KCNIP4: variants seen among roughly 807,000 people sequenced by gnomAD.
KCNIP4 encodes the protein Kv channel-interacting protein 4.
In KCNIP4, 12 loss-of-function variants were observed where a neutral mutation model predicts 34.0. The observed-to-expected ratio is 0.35, with a 90% confidence interval of 0.23 to 0.57. The LOEUF (loss-of-function observed/expected upper bound fraction) is 0.57, where lower values mean the gene tolerates loss of function less well. Ranked by LOEUF, KCNIP4 falls within the 20% of genes least tolerant of loss-of-function variation. The probability of loss-of-function intolerance (pLI) is 0.83; values close to 1 mark genes in which losing one functional copy is unlikely to be tolerated. For missense variants in KCNIP4, 238 were observed against 311.7 expected (o/e 0.76, Z 1.78); for synonymous variants, 124 against 102.2 (o/e 1.21, Z -1.29).
chr4:21,554,985 C>T (rs145585392), intron 1 of KCNIP4, among the ~76,000 whole-genome samples: 1 of 152,098 alleles, frequency 6.6e-6, no homozygotes, highest in African/African-American at 2.4e-5. Flanking sequence ...TAAACATAGA[C>T]TTTTTTCTTC....
intron 1 of KCNIP4, among the ~76,000 whole-genome samples, chr4:21,240,894 T>A (rs1051952104): frequency 6.6e-6 from 1 of 152,202 alleles, no homozygotes; most frequent in African/African-American, 2.4e-5. Context: ...CAAAGTCTAC[T>A]GTAAAAAATT....
chr4:21,899,768 C>T (rs547471662), intron 1 of KCNIP4, among the ~76,000 whole-genome samples: 1 of 152,142 alleles, frequency 6.6e-6, no homozygotes, highest in South Asian at 2.1e-4. Context: ...AACTACAAAG[C>T]ACTGATGCAA....
At chr4:21,817,029 C>T (rs1283381127) in intron 1 of KCNIP4, among the ~76,000 whole-genome samples, 1 of 152,114 alleles carries the variant, frequency 6.6e-6, no homozygotes, top group Non-Finnish European at 1.5e-5. Flanking sequence ...CAGATGTGAG[C>T]TATTATTTTC....
intron 1 of KCNIP4, among the ~76,000 whole-genome samples, chr4:21,250,542 T>C (rs983267189): frequency 6.6e-6 from 1 of 152,164 alleles, no homozygotes; most frequent in African/African-American, 2.4e-5. Flanking sequence ...CAAAATTTGA[T>C]ACTGACTTCT....
intron 1 of KCNIP4, among the ~76,000 whole-genome samples, chr4:21,179,191 C>A (rs1476470927): frequency 2.6e-5 from 4 of 152,196 alleles, no homozygotes; most frequent in Non-Finnish European, 5.9e-5. Flanking sequence ...TTCTAAGACT[C>A]ATTTCTCAGC....
intron 1 of KCNIP4, among the ~76,000 whole-genome samples, chr4:21,305,219 A>T (rs1295309530): frequency 1.3e-5 from 2 of 152,210 alleles, no homozygotes; most frequent in Non-Finnish European, 2.9e-5. Flanking sequence ...GGATAGAATG[A>T]AGGCATCCTT....
chr4:21,380,738 G>A (rs987728578), intron 1 of KCNIP4, among the ~76,000 whole-genome samples: 2 of 151,748 alleles, frequency 1.3e-5, no homozygotes, highest in Non-Finnish European at 2.9e-5. Flanking sequence ...TCACCATATT[G>A]GACAGACCTA....
At chr4:21,619,701 A>G (rs1744873587) in intron 1 of KCNIP4, among the ~76,000 whole-genome samples, 1 of 152,198 alleles carries the variant, frequency 6.6e-6, no homozygotes, top group Non-Finnish European at 1.5e-5. Flanking sequence ...TTCATTCATC[A>G]TCTATTCAGT....
At chr4:21,706,824 A>T (rs765177502) in intron 1 of KCNIP4, among the ~76,000 whole-genome samples, 1 of 152,198 alleles carries the variant, frequency 6.6e-6, no homozygotes, top group Non-Finnish European at 1.5e-5. Flanking sequence ...AAACATGTGC[A>T]GCATAAAAAT....
chr4:21,289,111 ATATCT>A (rs1481062603), intron 1 of KCNIP4, among the ~76,000 whole-genome samples: 2 of 152,220 alleles, frequency 1.3e-5, no homozygotes, highest in African/African-American at 4.8e-5. Flanking sequence ...AGTACAAGTC[ATATCT>A]TATTTAGTTT....
chr4:21,257,642 C>T (rs561043573), intron 1 of KCNIP4, among the ~76,000 whole-genome samples: 183 of 151,538 alleles, frequency 1.2e-3, no homozygotes, highest in Non-Finnish European at 2.1e-3. Flanking sequence ...CCCAGCTACT[C>T]GGGAGGCTGA....
chr4:21,927,417 C>G (rs10029403), intron 1 of KCNIP4, among the ~76,000 whole-genome samples: 38,994 of 152,040 alleles, frequency 0.26, 5,916 homozygotes, highest in East Asian at 0.62. Context: ...TCCACCTCAT[C>G]TACTAACACT....
chr4:21,629,279 G>T (rs973592819), intron 1 of KCNIP4, among the ~76,000 whole-genome samples: 1 of 152,294 alleles, frequency 6.6e-6, no homozygotes, highest in Admixed American at 6.5e-5. Flanking sequence ...CACCCCAAAA[G>T]AATAATAAAT....
chr4:21,610,661 T>C (rs1744081755), intron 1 of KCNIP4, among the ~76,000 whole-genome samples: 1 of 152,284 alleles, frequency 6.6e-6, no homozygotes, highest in East Asian at 1.9e-4. Context: ...CGAAGTCATT[T>C]GTGTAAATGA....
intron 1 of KCNIP4, among the ~76,000 whole-genome samples, chr4:20,949,441 T>A (rs1308172560): frequency 6.6e-6 from 1 of 152,102 alleles, no homozygotes; most frequent in East Asian, 1.9e-4. Flanking sequence ...ATTGTGGAAG[T>A]CAGTGTGGCG....
chr4:21,126,690 G>A lies in KCNIP4; in HGVS notation c.62-243981C>T, dbSNP rs374324197. 2.7e-5 allele frequency among the ~76,000 whole-genome samples: 4 copies of A among 150,328 alleles called. No individual in the cohort carries two copies. In the East Asian group the frequency reaches 5.8e-4, roughly 22 times the overall value. On this transcript the variant is annotated intron_variant, in intron 1 of 8. Transcript: ENST00000382152. ...TCCAATTTAGTGAAGAGAAATAAGA[G>A]TGTTTCTGGAAGGGATCAAGTTCAC...
At chr4:21,140,448 A>T (rs1035143086) in intron 1 of KCNIP4, among the ~76,000 whole-genome samples, 2 of 152,166 alleles carry the variant, frequency 1.3e-5, no homozygotes, top group African/African-American at 2.4e-5. Flanking sequence ...TACTTAATTA[A>T]CTAATTAACT....
At chr4:21,072,490 T>TC (rs1011226336) in intron 1 of KCNIP4, among the ~76,000 whole-genome samples, 1 of 151,900 alleles carries the variant, frequency 6.6e-6, no homozygotes, top group African/African-American at 2.4e-5. Context: ...TGATGGGGTT[T>TC]TTTTTTTCTT....
intron 1 of KCNIP4, chr4:21,697,362 A>G: frequency 6.6e-7 from 1 of 1,526,396 alleles, no homozygotes; most frequent in South Asian, 1.3e-5. Context: ...GTATGAAGAG[A>G]ACCTGTTAAT....
Sources: gnomAD v4.1 joint callset for allele counts (sites outside exome capture counted in the v4.1 genomes callset) on GRCh38, gnomAD v4.1.1 for gene constraint, MANE v1.5 for transcripts, NCBI Gene and HGNC (gene_info 2026-07-23, HGNC 2026-07-21) for gene names.